LLGL1: variants seen among roughly 807,000 people sequenced by gnomAD.
The protein encoded by LLGL1 is LLGL scribble cell polarity complex component 1.
A neutral mutation model predicts 110.6 loss-of-function variants in LLGL1; 58 were observed. That is an observed-to-expected ratio of 0.52 (90% CI 0.42 to 0.65). LLGL1 has a LOEUF of 0.65. Among genes scored for constraint, LLGL1 ranks in the 30% least tolerant of loss-of-function variants. The pLI is 0.00. For synonymous variants in LLGL1, 674 were observed against 607.2 expected (o/e 1.11, Z -1.62); for missense variants, 1,229 against 1,462.1 (o/e 0.84, Z 2.60).
At chr17:18,233,065 A>T (rs906318415) in intron 4 of LLGL1, among the ~76,000 whole-genome samples, 2 of 152,230 alleles carry the variant, frequency 1.3e-5, no homozygotes, top group African/African-American at 2.4e-5. Flanking sequence ...TACATGCATT[A>T]TATGCCAAAC....
At position 18,242,734 on chromosome 17, in the gene LLGL1, A is replaced by G; in HGVS notation, c.3117-9A>G. The G allele has an allele frequency of 3.2e-6, 5 of 1,562,136 alleles. No homozygotes were observed. Among genetic ancestry groups the G allele is most frequent in the South Asian group, 1.2e-5 (1 of 85,394 alleles). On this transcript the variant is annotated splice_polypyrimidine_tract_variant and intron_variant, in intron 21 of 22. Coordinates refer to ENST00000316843, the MANE Select transcript of LLGL1 (RefSeq NM_004140.4). ...GCCCCCACCCCTGAGCACCATCCCC[A>G]TCTCGCAGCTCCTCTGAGGAGTCAG...
chr17:18,238,620 G>A lies in LLGL1; in HGVS notation c.2206+11G>A, dbSNP rs933625896. Reference sequence around the variant, plus strand: ...CATTCCTTCGAGATGGTAAGGCAGGGGCAGGGGCAGGGACAGGGCAAGGGT... The same window carrying A: ...CATTCCTTCGAGATGGTAAGGCAGGAGCAGGGGCAGGGACAGGGCAAGGGT... On this transcript the variant is annotated intron_variant, in intron 16 of 22. Transcript: ENST00000316843. 1.2e-5 allele frequency: 19 copies of A among 1,607,258 alleles called. No homozygotes were observed. In the African/African-American group the frequency reaches 1.7e-4, roughly 15 times the overall value.
chr17:18,241,272 C>G, intron 17 of LLGL1, 179 bp from the exon 18 acceptor site: 1 of 723,614 alleles, frequency 1.4e-6, no homozygotes, highest in South Asian at 1.9e-5. Flanking sequence ...TGGGAGGTTT[C>G]TGGAGTACAG....
chr17:18,238,336 C>G, intron 15 of LLGL1, 120 bp from the exon 16 acceptor site: 1 of 1,571,152 alleles, frequency 6.4e-7, no homozygotes, highest in Non-Finnish European at 8.6e-7. Flanking sequence ...CTGGGCCCTC[C>G]AGAGGGATGG....
rs1050381092 is a variant in LLGL1, at chr17:18,237,175, A to T, written c.1611+236A>T. ...AGTGCTGTGCTCCGGCACTCACATGACATACAGGAGGTGCTCAATGTGTCC... is the reference window on the plus strand; with the variant it reads ...AGTGCTGTGCTCCGGCACTCACATGTCATACAGGAGGTGCTCAATGTGTCC... On this transcript the variant is annotated intron_variant, in intron 13 of 22. Transcript: ENST00000316843. 42 of 597,776 alleles carry T rather than the reference A, an allele frequency of 7.0e-5. No homozygotes were observed. In the Admixed American group the frequency reaches 1.2e-3, roughly 18 times the overall value. The allele number at this position is 597,776 out of a possible 1,614,324, so 37.0% of individuals were successfully genotyped here.
intron 15 of LLGL1, 23 bp from the exon 16 acceptor site, chr17:18,238,433 G>GT (rs771125185): frequency 6.3e-7 from 1 of 1,597,700 alleles, no homozygotes; most frequent in South Asian, 1.1e-5. Context: ...GGGAGACAGT[G>GT]TTCAGGAGCC....
rs2047505709 is a variant in LLGL1, at chr17:18,228,704, G to C, written c.82-1237G>C. Among the ~76,000 whole-genome samples, 3 of 152,200 alleles carry C rather than the reference G, an allele frequency of 2.0e-5. No individual in the cohort carries two copies. The South Asian group carries it at 6.2e-4, about 32-fold the overall frequency. ...TCTCTGGACCCTGGTTGTAGCGAGG[G>C]ACTGGCTAGACAAGGTCAGGTGCAG... On this transcript the variant is annotated intron_variant, in intron 1 of 22. Transcript: ENST00000316843.
Position 18,236,620 on chromosome 17 carries a change from A to G in LLGL1, c.1366A>G (p.Thr456Ala), listed in dbSNP as rs2047700279. Residue 456 changes from threonine (T) to alanine (A), a missense_variant, in exon 12 of 23, where the codon ACC becomes GCC. Physicochemically the swap from Thr to Ala is moderately conservative, Grantham distance 58. Transcript: ENST00000316843. ...CCCTCCCTGCAGCCATGAGGACGGC[A>G]CCGTGAGGTTCTGGGATGCCTCGGG... ...GLLLTGHEDGTVRFWDASGVA... is the reference protein window; with the variant it reads ...GLLLTGHEDGAVRFWDASGVA... 3 of 1,612,142 alleles carry G rather than the reference A, an allele frequency of 1.9e-6. 1 individual carries two copies. The highest frequency in any genetic ancestry group is 2.2e-5 in the East Asian group (1 of 44,836).
chr17:18,240,014 C>T lies in LLGL1; in HGVS notation c.2207-564C>T, dbSNP rs981102465. 6.6e-6 allele frequency among the ~76,000 whole-genome samples: 1 copy of T among 152,142 alleles called. No homozygotes were observed. Among genetic ancestry groups the T allele is most frequent in the African/African-American group, 2.4e-5 (1 of 41,420 alleles). ...TTGTCACCCAGAGGTTCAGTTCACA[C>T]AGGCAGAGCAGGGTCGATGGATGGT... On this transcript the variant is annotated intron_variant, in intron 16 of 22. Transcript: ENST00000316843. This position sits in a 1 kb window ranked among gnomAD's most constrained non-coding sequence, Gnocchi z 5.3.
rs146378867 is a variant in LLGL1, at chr17:18,236,907, G to A, written c.1579G>A (p.Ala527Thr). 1.8e-5 allele frequency: 29 copies of A among 1,613,662 alleles called. No individual in the cohort carries two copies. Among genetic ancestry groups the A allele is most frequent in the Non-Finnish European group, 1.3e-5 (15 of 1,179,920 alleles). Residue 527 changes from alanine to threonine, a missense_variant, in exon 13 of 23, where the codon GCC becomes ACC. Coordinates refer to ENST00000316843, the MANE Select transcript of LLGL1 (RefSeq NM_004140.4). ...GAAGGTTGCTCTCTGCAAGTATACA[G>A]CCCAGATGGTGGTGGCTGGCACTGC... ...VQKVALCKYTAQMVVAGTAGQ... is the reference protein window; with the variant it reads ...VQKVALCKYTTQMVVAGTAGQ...
In LLGL1 at chr17:18,238,386, T is replaced by C. The variant is rs1359898307; in HGVS notation, c.2053-70T>C. 12 of 1,571,264 alleles carry C rather than the reference T, an allele frequency of 7.6e-6. No homozygotes were observed. In the East Asian group the frequency reaches 2.3e-4, roughly 29 times the overall value. The stretch of plus-strand genomic sequence containing the variant: ...GTGGTAGAGGAATGGTAACAGAACG[T>C]AGGGCGCAAAGCAGGATGCAAGCCA... On this transcript the variant is annotated intron_variant, in intron 15 of 22. Transcript: ENST00000316843.
At chr17:18,241,297 T>C in intron 17 of LLGL1, 154 bp from the exon 18 acceptor site, 2 of 890,372 alleles carry the variant, frequency 2.2e-6, no homozygotes, top group Non-Finnish European at 3.3e-6. Context: ...AAGTCTGGAG[T>C]TTAGTGGGGC....
Position 18,235,329 on chromosome 17 carries a change from G to A in LLGL1, c.1284+17G>A. 1 of 1,607,884 alleles carries A rather than the reference G, an allele frequency of 6.2e-7. No individual in the cohort carries two copies. The highest frequency in any genetic ancestry group is 8.5e-7 in the Non-Finnish European group (1 of 1,177,962). ...AGTGCCTTGGTGTGTGCGGCGATCA[G>A]GGGGGTCTTACAGGGTGGAGTCTTG... On this transcript the variant is annotated intron_variant, in intron 10 of 22. Transcript: ENST00000316843.
chr17:18,237,474 G>T lies in LLGL1; in HGVS notation c.1612-7G>T, dbSNP rs1489916625. ...CTGATGCTCCCCCTGCCTGGCTGTG[G>T]GCTCAGGTGCTGGTACTGGAGCTTA... On this transcript the variant is annotated splice_region_variant and splice_polypyrimidine_tract_variant and intron_variant, in intron 13 of 22. Transcript: ENST00000316843. The T allele has an allele frequency of 6.4e-7, 1 of 1,569,622 alleles. No homozygotes were observed. Among genetic ancestry groups the T allele is most frequent in the Non-Finnish European group, 8.7e-7 (1 of 1,153,536 alleles).
At chr17:18,233,300 G>T (rs2047610716) in intron 4 of LLGL1, among the ~76,000 whole-genome samples, 1 of 152,140 alleles carries the variant, frequency 6.6e-6, no homozygotes, top group Non-Finnish European at 1.5e-5. Flanking sequence ...TGAGAGTGTG[G>T]GGCATCTCTC....
chr17:18,226,034 G>T (rs889447197), intron 1 of LLGL1, among the ~76,000 whole-genome samples: 3 of 152,096 alleles, frequency 2.0e-5, no homozygotes, highest in Non-Finnish European at 4.4e-5. Context: ...GTCTGTGTGT[G>T]TGGGGGTCTG....
intron 7 of LLGL1, 77 bp from the exon 8 acceptor site, chr17:18,234,572 A>C: frequency 6.3e-7 from 1 of 1,593,566 alleles, no homozygotes; most frequent in East Asian, 2.2e-5. Flanking sequence ...GGTAGAGAGC[A>C]GTGGAGGGCA....
rs775897345 is a variant in LLGL1 at position 18,236,724 on chromosome 17, C to G, written c.1470C>G (p.Ala490=). The G allele has an allele frequency of 1.2e-6, 2 of 1,612,456 alleles. No individual in the cohort carries two copies. Among genetic ancestry groups the G allele is most frequent in the South Asian group, 2.2e-5 (2 of 91,068 alleles). The change falls in exon 12 of 23, where the codon GCC becomes GCG. Residue 490 remains alanine, a synonymous_variant. Transcript: ENST00000316843. ...ACTGTGAGCACGCTGACAGCCTGGC[C>G]CAGGCTGCCGAGGACGACTGGCCAC... ...QTDCEHADSL[A]QAAEDDWPPF... is the part of the protein sequence containing the mutation.
intron 2 of LLGL1, 125 bp from the exon 3 acceptor site, chr17:18,232,370 T>C: frequency 1.3e-6 from 1 of 781,040 alleles, no homozygotes; most frequent in East Asian, 2.7e-5. Context: ...CAGGGAGGAC[T>C]CCTGGATGGT....
Sources: allele counts gnomAD v4.1 joint callset (sites outside exome capture counted in the v4.1 genomes callset), GRCh38; gene constraint gnomAD v4.1.1; non-coding constraint Gnocchi (gnomAD v3.1); transcripts MANE v1.5; gene names NCBI Gene and HGNC (gene_info 2026-07-23, HGNC 2026-07-21).